Variants in WDR70 observed in about 807,000 individuals in gnomAD.
WDR70 encodes the protein WD repeat domain 70, also known as WD repeat-containing protein 70.
WDR70 carries 53 observed loss-of-function variants against 88.6 expected under a neutral mutation model. That is an observed-to-expected ratio of 0.60 (90% confidence interval 0.48 to 0.75). The LOEUF is 0.75. Ranked by LOEUF, WDR70 falls within the 30% of genes least tolerant of loss-of-function variation. The pLI is 0.00. For missense variants in WDR70, 610 were observed against 823.2 expected, an observed-to-expected ratio of 0.74 and a Z score of 3.17; for synonymous variants, 280 against 270.0, an observed-to-expected ratio of 1.04 and a Z score of -0.36.
At chr5:37,542,651 A>G (rs1041938540) in intron 9 of WDR70, among the ~76,000 whole-genome samples, 3 of 152,126 alleles carry the variant, frequency 2.0e-5, no homozygotes, top group African/African-American at 7.2e-5. Context: ...GAGGTAAGGA[A>G]CTGCTTAAGG....
Position 37,407,468 on chromosome 5 carries a change from G to A in WDR70, c.492+10898G>A, listed in dbSNP as rs571968611. 6.6e-5 allele frequency among the ~76,000 whole-genome samples: 10 copies of A among 151,792 alleles called. 1 individual carries two copies. The highest frequency in any genetic ancestry group is 2.4e-4 in the African/African-American group (10 of 41,206). On this transcript the variant is annotated intron_variant, in intron 5 of 17. Transcript: ENST00000265107. ...GAGCCTGGGAGGCGGAGGTTGCAACGAGCTAAAAATCGTACCACTGTACTC... is the reference window on the plus strand; with the variant it reads ...GAGCCTGGGAGGCGGAGGTTGCAACAAGCTAAAAATCGTACCACTGTACTC...
chr5:37,465,307 A>G (rs1173057738), intron 7 of WDR70, among the ~76,000 whole-genome samples: 2 of 152,162 alleles, frequency 1.3e-5, no homozygotes, highest in Admixed American at 1.3e-4. Context: ...TTAATCTTGG[A>G]CATTGTAGTG....
At chr5:37,517,560 T>C (rs904395271) in intron 9 of WDR70, among the ~76,000 whole-genome samples, 1 of 152,008 alleles carries the variant, frequency 6.6e-6, no homozygotes, top group Admixed American at 6.6e-5. Flanking sequence ...AGAGATGGGG[T>C]TTCACCATGT....
At chr5:37,435,580 C>A (rs544607614) in intron 5 of WDR70, among the ~76,000 whole-genome samples, 1 of 152,188 alleles carries the variant, frequency 6.6e-6, no homozygotes, top group East Asian at 1.9e-4. Context: ...AATTCCCCAA[C>A]TGTTTCTTTA....
chr5:37,439,478 G>A (rs1402897075), intron 6 of WDR70, among the ~76,000 whole-genome samples: 1 of 152,026 alleles, frequency 6.6e-6, no homozygotes, highest in East Asian at 1.9e-4. Flanking sequence ...TGAGAGATGG[G>A]TCATGAGTTT....
intron 17 of WDR70, 66 bp from the exon 18 acceptor site, chr5:37,752,420 C>A: frequency 1.5e-6 from 2 of 1,291,560 alleles, no homozygotes; most frequent in South Asian, 1.4e-5. Context: ...ATGAAGGAAG[C>A]AAAATCTAAT....
chr5:37,510,266 T>C (rs1740685017), intron 8 of WDR70, among the ~76,000 whole-genome samples: 2 of 152,066 alleles, frequency 1.3e-5, no homozygotes, highest in Admixed American at 1.3e-4. Context: ...CCTCCATTCC[T>C]CCCTCAACTA....
intron 10 of WDR70, among the ~76,000 whole-genome samples, chr5:37,677,222 GTC>G (rs1746255760): frequency 6.6e-6 from 1 of 151,886 alleles, no homozygotes. Flanking sequence ...GGTTTTTTGT[GTC>G]TCTATTTCCT....
At chr5:37,451,677 A>G (rs1738678922) in intron 7 of WDR70, among the ~76,000 whole-genome samples, 1 of 152,148 alleles carries the variant, frequency 6.6e-6, no homozygotes, top group African/African-American at 2.4e-5. Flanking sequence ...AAAAGTCACT[A>G]AAGTTTAATG....
chr5:37,388,538 G>A (rs561438303), intron 3 of WDR70, among the ~76,000 whole-genome samples: 16 of 143,700 alleles, frequency 1.1e-4, no homozygotes, highest in African/African-American at 2.3e-4. Context: ...CCAGGAGTTC[G>A]AGACCAGCCT....
chr5:37,496,738 A>G (rs1202750007), intron 8 of WDR70, among the ~76,000 whole-genome samples: 1 of 152,236 alleles, frequency 6.6e-6, no homozygotes, highest in Non-Finnish European at 1.5e-5. Context: ...CTGTTTAGAC[A>G]AAGTACAAGA....
At chr5:37,682,928 CAGTG>C (rs757474539) in intron 10 of WDR70, among the ~76,000 whole-genome samples, 3 of 151,508 alleles carry the variant, frequency 2.0e-5, no homozygotes, top group Non-Finnish European at 3.0e-5. Context: ...GTAGTACTGT[CAGTG>C]AGTTGTTGAA....
intron 7 of WDR70, among the ~76,000 whole-genome samples, chr5:37,478,362 A>C (rs1739550797): frequency 6.6e-6 from 1 of 152,256 alleles, no homozygotes; most frequent in Non-Finnish European, 1.5e-5. Flanking sequence ...GTGTGCCACC[A>C]GTAATGGGTT....
rs11331914 is a variant in WDR70, at chr5:37,473,234, C to CT, written c.687-6589dup. Among the ~76,000 whole-genome samples the CT allele has an allele frequency of 2.9e-4, 43 of 148,114 alleles. 1 individual carries two copies. The highest frequency in any genetic ancestry group is 1.1e-3 in the African/African-American group (42 of 39,190). ...TTAGTGGGTTGTTGGTCTTTTTATT[C>CT]TTTTTTTTTTTAAATCAGTGTATTT... On this transcript the variant is annotated intron_variant, in intron 7 of 17. Coordinates refer to ENST00000265107, the MANE Select transcript of WDR70 (RefSeq NM_018034.4).
chr5:37,505,959 C>T lies in WDR70; in HGVS notation c.841-10555C>T, dbSNP rs1446541010. 8 of 1,569,374 alleles carry T rather than the reference C, an allele frequency of 5.1e-6. No individual in the cohort carries two copies. The African/African-American group carries it at 6.8e-5, about 13-fold the overall frequency. ...AGCACCTTCTAAATTGGCTTTAAGA[C>T]CAGAAAGATCCTCAAAATTACACAG... On this transcript the variant is annotated intron_variant, in intron 8 of 17. Transcript: ENST00000265107.
At chr5:37,564,179 G>A (rs1389693904) in intron 9 of WDR70, among the ~76,000 whole-genome samples, 1 of 151,428 alleles carries the variant, frequency 6.6e-6, no homozygotes, top group Non-Finnish European at 1.5e-5. Flanking sequence ...GCAGGCAGCT[G>A]GGAGGTGGAG....
intron 8 of WDR70, among the ~76,000 whole-genome samples, chr5:37,514,356 A>ATATATATATATATATATATGTATG (rs771375976): frequency 1.8e-5 from 1 of 54,378 alleles, no homozygotes; most frequent in African/African-American, 3.9e-5. Context: ...ATATATATAT[A>ATATATATATATATATATATGTATG]TATGTATGTA....
intron 17 of WDR70, among the ~76,000 whole-genome samples, chr5:37,739,437 G>A (rs1171114563): frequency 1.3e-5 from 2 of 152,184 alleles, no homozygotes; most frequent in Non-Finnish European, 2.9e-5. Context: ...ATAATTTCTT[G>A]TCTCTTGAGA....
intron 7 of WDR70, among the ~76,000 whole-genome samples, chr5:37,464,990 G>A (rs1347884977): frequency 7.2e-5 from 11 of 152,170 alleles, no homozygotes; most frequent in South Asian, 6.2e-4. Context: ...GGATGAATTC[G>A]GAGCTGAGAG....
Sources: allele counts gnomAD v4.1 joint callset (sites outside exome capture counted in the v4.1 genomes callset), GRCh38; gene constraint gnomAD v4.1.1; transcripts MANE v1.5; gene names NCBI Gene and HGNC (gene_info 2026-07-23, HGNC 2026-07-21).